The following SASH1 variants were observed in gnomAD, a reference collection of about 807,000 sequenced individuals.
The protein encoded by SASH1 is SAM and SH3 domain containing 1, also known as SAM and SH3 domain-containing protein 1.
A neutral mutation model predicts 125.2 loss-of-function variants in SASH1; 44 were observed. That is an observed-to-expected ratio of 0.35 (90% CI 0.28 to 0.45). The LOEUF (loss-of-function observed/expected upper bound fraction) is 0.45, where lower values mean the gene tolerates loss of function less well. Among genes scored for constraint, SASH1 ranks in the 20% least tolerant of loss-of-function variants. SASH1 has a pLI of 1.00. For synonymous variants in SASH1, 639 were observed against 649.1 expected (o/e 0.98, Z 0.24); for missense variants, 1,426 against 1,614.5 (o/e 0.88, Z 2.00).
At chr6:148,363,009 A>G (rs1782299031) in intron 1 of SASH1, among the ~76,000 whole-genome samples, 1 of 152,238 alleles carries the variant, frequency 6.6e-6, no homozygotes, top group African/African-American at 2.4e-5. Flanking sequence ...GTAGTGCAGC[A>G]TAGAAGTCTT....
chr6:148,381,548 A>G (rs2114785591), intron 1 of SASH1, among the ~76,000 whole-genome samples: 1 of 151,698 alleles, frequency 6.6e-6, no homozygotes, highest in Non-Finnish European at 1.5e-5. Context: ...GGGGTTCTAA[A>G]ATAGAGACAG....
intron 1 of SASH1, among the ~76,000 whole-genome samples, chr6:148,364,320 G>C (rs1782364795): frequency 1.3e-5 from 2 of 152,174 alleles, no homozygotes; most frequent in Non-Finnish European, 2.9e-5. Flanking sequence ...AAGGTCCCCT[G>C]AAGTCTTGAG....
At chr6:148,352,597 A>ATAAG (rs1285700725) in intron 1 of SASH1, among the ~76,000 whole-genome samples, 1 of 14,008 alleles carries the variant, frequency 7.1e-5, no homozygotes, top group African/African-American at 3.6e-4. Flanking sequence ...ACTCCTTCTT[A>ATAAG]TAAATAAATA....
intron 4 of SASH1, among the ~76,000 whole-genome samples, chr6:148,442,416 A>C (rs1776583082): frequency 6.6e-6 from 1 of 152,184 alleles, no homozygotes; most frequent in Non-Finnish European, 1.5e-5. Context: ...ATTAAAATAA[A>C]TTTAAAGTTA....
intron 1 of SASH1, among the ~76,000 whole-genome samples, chr6:148,294,852 C>T (rs552555432): frequency 6.6e-6 from 1 of 152,260 alleles, no homozygotes; most frequent in East Asian, 1.9e-4. Flanking sequence ...TTCCACAGCT[C>T]AGTAAGGTAT....
chr6:148,201,480 CCA>C, the SASH1 span, among the ~76,000 whole-genome samples: 1 of 152,094 alleles, frequency 6.6e-6, no homozygotes, highest in Non-Finnish European at 1.5e-5. Flanking sequence ...GCATCTCCCC[CCA>C]GAGTTTCTGA....
chr6:148,310,412 A>G (rs1244022340), intron 1 of SASH1, among the ~76,000 whole-genome samples: 1 of 128,288 alleles, frequency 7.8e-6, no homozygotes. Context: ...GAACAATAGG[A>G]CATCCATATG....
intron 4 of SASH1, among the ~76,000 whole-genome samples, chr6:148,448,147 TGTGTGC>T (rs1776898705): frequency 6.6e-6 from 1 of 151,958 alleles, no homozygotes; most frequent in African/African-American, 2.4e-5. Context: ...TGTATGTGTG[TGTGTGC>T]GTGCGTGCGT....
At chr6:148,268,751 C>A (rs921197089), upstream of SASH1, among the ~76,000 whole-genome samples, 4 of 152,292 alleles carry the variant, frequency 2.6e-5, no homozygotes, top group African/African-American at 4.8e-5. Flanking sequence ...GTTTGAGCCA[C>A]AAATACTGTC....
intron 4 of SASH1, among the ~76,000 whole-genome samples, chr6:148,455,928 G>C (rs752570898): frequency 6.6e-6 from 1 of 151,936 alleles, no homozygotes; most frequent in Admixed American, 6.5e-5. Context: ...CTTCAGTGCT[G>C]CTTCCCCTGG....
intron 8 of SASH1, among the ~76,000 whole-genome samples, chr6:148,491,507 T>A (rs7760126): frequency 7.6e-4 from 116 of 152,286 alleles, no homozygotes; most frequent in African/African-American, 2.7e-3. Flanking sequence ...TGACCTCAGG[T>A]GATTCACCCG....
At chr6:148,445,668 G>GTGGC (rs1471289017) in intron 4 of SASH1, among the ~76,000 whole-genome samples, 1 of 152,094 alleles carries the variant, frequency 6.6e-6, no homozygotes, top group East Asian at 1.9e-4. Context: ...TAGCCTCAAA[G>GTGGC]TGGCTGCTGC....
At chr6:148,469,861 A>C (rs1016384158) in intron 5 of SASH1, among the ~76,000 whole-genome samples, 4 of 152,012 alleles carry the variant, frequency 2.6e-5, no homozygotes, top group African/African-American at 9.7e-5. Flanking sequence ...CCTCATCTCT[A>C]CTAAGAATAC....
At chr6:148,484,215 A>G (rs2115186323) in intron 7 of SASH1, among the ~76,000 whole-genome samples, 1 of 152,320 alleles carries the variant, frequency 6.6e-6, no homozygotes, top group South Asian at 2.1e-4. Flanking sequence ...GGTCTCCAAG[A>G]TGGAATAAGC....
chr6:148,487,918 GTT>G (rs1383262363), intron 8 of SASH1, among the ~76,000 whole-genome samples: 7 of 135,968 alleles, frequency 5.1e-5, no homozygotes, highest in Admixed American at 7.3e-5. Flanking sequence ...CTGGGGTTTT[GTT>G]TTTTTTTTTT....
At chr6:148,395,810 T>C (rs1247467201) in intron 2 of SASH1, among the ~76,000 whole-genome samples, 2 of 152,196 alleles carry the variant, frequency 1.3e-5, no homozygotes, top group African/African-American at 4.8e-5. Flanking sequence ...ATGGTCCAAC[T>C]TGAATGATAC....
At chr6:148,281,582 G>A (rs1011521313) in intron 1 of SASH1, among the ~76,000 whole-genome samples, 2 of 152,068 alleles carry the variant, frequency 1.3e-5, no homozygotes, top group African/African-American at 2.4e-5. Context: ...GTCAGAGCTC[G>A]GAGCAGAATA....
At chr6:148,328,846 T>C (rs1780912305) in intron 1 of SASH1, among the ~76,000 whole-genome samples, 1 of 152,220 alleles carries the variant, frequency 6.6e-6, no homozygotes, top group South Asian at 2.1e-4. Context: ...TTACTATTTT[T>C]GTTGGTTTTG....
chr6:148,303,899 A>G (rs1383907398), intron 1 of SASH1, among the ~76,000 whole-genome samples: 2 of 152,164 alleles, frequency 1.3e-5, no homozygotes, highest in African/African-American at 2.4e-5. Context: ...ATGCTTTAAG[A>G]TGGAAAAATG....
Sources: allele counts gnomAD v4.1 joint callset (sites outside exome capture counted in the v4.1 genomes callset), GRCh38; gene constraint gnomAD v4.1.1; transcripts MANE v1.5; gene names NCBI Gene and HGNC (gene_info 2026-07-23, HGNC 2026-07-21).